Variants in IKBKE observed in about 807,000 individuals in gnomAD.
The protein encoded by IKBKE is inhibitor of nuclear factor kappa-B kinase subunit epsilon.
Under a neutral mutation model 92.1 loss-of-function variants are expected in IKBKE, and 45 were observed. The ratio of observed to expected loss-of-function variants is 0.49; its 90% CI spans 0.38 to 0.63. IKBKE has a LOEUF of 0.63. Ranked by LOEUF, IKBKE falls within the 20% of genes least tolerant of loss-of-function variation. The probability of loss-of-function intolerance (pLI) is 0.00; values close to 1 mark genes in which losing one functional copy is unlikely to be tolerated. For missense variants in IKBKE, 700 were observed against 932.8 expected (o/e 0.75, Z 3.25); for synonymous variants, 374 against 380.3 (o/e 0.98, Z 0.19).
rs1233896743 is a variant in IKBKE at position 206,485,185 on chromosome 1, G to A, written c.1504-9G>A. 1.2e-6 allele frequency: 2 copies of A among 1,607,616 alleles called. No homozygotes were observed. The highest frequency in any genetic ancestry group is 1.7e-6 in the Non-Finnish European group (2 of 1,174,114). ...AGACCCCACGGGGGTCTGCCTTTGT[G>A]CCCCACAGCTAGCGGAGGTCCTCTC... On this transcript the variant is annotated splice_polypyrimidine_tract_variant and intron_variant, in intron 14 of 21. Transcript: ENST00000581977. This position sits in a 1 kb window ranked among gnomAD's most constrained non-coding sequence, Gnocchi z 5.0.
Position 206,476,959 on chromosome 1 carries a change from C to A in IKBKE, c.701+121C>A. 3 of 1,035,756 alleles carry A rather than the reference C, an allele frequency of 2.9e-6. No homozygotes were observed. Among genetic ancestry groups the A allele is most frequent in the South Asian group, 3.1e-5 (2 of 63,910 alleles). 64.2% of individuals were successfully genotyped at this position (1,035,756 alleles called of 1,614,324 possible). A position where few individuals can be genotyped will look rare whatever the true frequency, so the allele number is the denominator to read the frequency against. On this transcript the variant is annotated intron_variant, in intron 7 of 21. Transcript: ENST00000581977. The surrounding 1 kb of genome is among the most constrained non-coding windows in gnomAD (Gnocchi z 5.1). ...CCATGGCCCTCCTCTGGTCCACCCC[C>A]CAACCCAGGCTCTTTGTAGATCTTT...
rs1215583987 is a variant in IKBKE, at chr1:206,490,033, C to T, written c.1694-786C>T. Among the ~76,000 whole-genome samples, 1 of 152,178 alleles carries T rather than the reference C, an allele frequency of 6.6e-6. No homozygotes were observed. The highest frequency in any genetic ancestry group is 2.4e-5 in the African/African-American group (1 of 41,446). On this transcript the variant is annotated intron_variant, in intron 16 of 21. Transcript: ENST00000581977. The surrounding 1 kb of genome is among the most constrained non-coding windows in gnomAD (Gnocchi z 5.2). ...GTGATGGATAAGGAGACAGGCTCAG[C>T]GAAGTGAAATCACTCGCCTAGTGCC...
rs972231305 is a variant in IKBKE at position 206,478,604 on chromosome 1, A to G, written c.992+265A>G. Among the ~76,000 whole-genome samples the G allele has an allele frequency of 1.3e-5, 2 of 152,184 alleles. No individual in the cohort carries two copies. The highest frequency in any genetic ancestry group is 4.8e-5 in the African/African-American group (2 of 41,440). The stretch of plus-strand genomic sequence containing the variant: ...TGTGTGCGTGGTGTATGTTGGCTGT[A>G]CATTTCGTAAAGGTACTGCTCATAG... On this transcript the variant is annotated intron_variant, in intron 9 of 21. Transcript: ENST00000581977. The surrounding 1 kb of genome is among the most constrained non-coding windows in gnomAD (Gnocchi z 4.8).
intron 2 of IKBKE, among the ~76,000 whole-genome samples, chr1:206,471,509 C>A (rs1351098502): frequency 1.3e-5 from 2 of 152,212 alleles, no homozygotes; most frequent in African/African-American, 4.8e-5. Context: ...GCGCTTTGCA[C>A]CTCACTGCCT....
intron 16 of IKBKE, among the ~76,000 whole-genome samples, chr1:206,489,367 G>GTATATATA (rs1384008618): frequency 3.5e-4 from 18 of 51,384 alleles, no homozygotes; most frequent in African/African-American, 1.1e-3. Flanking sequence ...GTGTGTGTGT[G>GTATATATA]TGTATATATA....
Position 206,480,444 on chromosome 1 carries a change from C to T in IKBKE, c.1341-3C>T, listed in dbSNP as rs1307375283. ...AGCTCTGACTCAGTCTCCCCTTGGA[C>T]AGGGAGGTGCTCCAGGCCACATGCA... is the stretch of plus-strand genomic sequence containing the variant. On this transcript the variant is annotated splice_region_variant and splice_polypyrimidine_tract_variant and intron_variant, in intron 12 of 21. Coordinates refer to ENST00000581977, the MANE Select transcript of IKBKE (RefSeq NM_014002.4). 3 of 1,612,076 alleles carry T rather than the reference C, an allele frequency of 1.9e-6. No individual in the cohort carries two copies. The highest frequency in any genetic ancestry group is 2.5e-6 in the Non-Finnish European group (3 of 1,178,464).
Position 206,478,086 on chromosome 1 carries a change from C to G in IKBKE, c.813-74C>G. On this transcript the variant is annotated intron_variant, in intron 8 of 21. Transcript: ENST00000581977. This position sits in a 1 kb window ranked among gnomAD's most constrained non-coding sequence, Gnocchi z 4.8. ...AGCTCTTCAGGATATTCTCTTAGAACGCTCCTATTGCCTGCTTAAGGAGGA... is the reference window on the plus strand; with the variant it reads ...AGCTCTTCAGGATATTCTCTTAGAAGGCTCCTATTGCCTGCTTAAGGAGGA... The G allele has an allele frequency of 1.0e-6, 1 of 969,926 alleles. No homozygotes were observed. Among genetic ancestry groups the G allele is most frequent in the South Asian group, 1.4e-5 (1 of 73,960 alleles). 60.1% of individuals were successfully genotyped at this position (969,926 alleles called of 1,614,324 possible).
rs782079660 is a variant in IKBKE, at chr1:206,496,106, T to C, written c.2118-6T>C. On this transcript the variant is annotated splice_polypyrimidine_tract_variant and splice_region_variant and intron_variant, in intron 21 of 21. Coordinates refer to ENST00000581977, the MANE Select transcript of IKBKE (RefSeq NM_014002.4). ...GGGCACTGCTAGCCTGTACCTTTTCTTGTAGGCTAAATAGAGTCCCAGCAC... is the reference window on the plus strand; with the variant it reads ...GGGCACTGCTAGCCTGTACCTTTTCCTGTAGGCTAAATAGAGTCCCAGCAC... 6.2e-6 allele frequency: 10 copies of C among 1,612,864 alleles called. No individual in the cohort carries two copies. The highest frequency in any genetic ancestry group is 1.3e-5 in the African/African-American group (1 of 74,904).
In IKBKE at chr1:206,478,012, TC is replaced by T; in HGVS notation, c.813-147del. The T allele has an allele frequency of 1.2e-6, 1 of 818,018 alleles. No homozygotes were observed. Among genetic ancestry groups the T allele is most frequent in the Non-Finnish European group, 2.0e-6 (1 of 508,502 alleles). 50.7% of individuals were successfully genotyped at this position (818,018 alleles called of 1,614,324 possible). On this transcript the variant is annotated intron_variant, in intron 8 of 21. Coordinates refer to ENST00000581977, the MANE Select transcript of IKBKE (RefSeq NM_014002.4). This position sits in a 1 kb window ranked among gnomAD's most constrained non-coding sequence, Gnocchi z 4.8. ...TTCCCATCTGGTTGCTGGAACGAGT[TC>T]TTCCAGCTCTTCCTCCCCAACCCAC...
chr1:206,477,802 G>A lies in IKBKE; in HGVS notation c.755G>A (p.Arg252Gln), dbSNP rs144428994. The change falls in exon 8 of 22, where the codon CGG becomes CAG. Residue 252 changes from arginine (R) to glutamine (Q), a missense_variant. Physicochemically the swap from Arg to Gln is conservative, Grantham distance 43 (BLOSUM62 1). Transcript: ENST00000581977. ...PAGAIAGAQR[R>Q]ENGPLEWSYT... ...GGGGCCATTGCAGGTGCCCAGAGGC[G>A]GGAGAACGGGCCCCTGGAGTGGAGC... 358 of 1,564,528 alleles carry A rather than the reference G, an allele frequency of 2.3e-4. No homozygotes were observed. The highest frequency in any genetic ancestry group is 2.7e-4 in the Non-Finnish European group (309 of 1,154,694).
intron 7 of IKBKE, 79 bp from the exon 8 acceptor site, chr1:206,477,670 G>A (rs112345800): frequency 1.5e-5 from 12 of 823,452 alleles, no homozygotes; most frequent in African/African-American, 6.8e-5. Context: ...CCTGTGCTCC[G>A]AGCCCTTTGT....
intron 21 of IKBKE, among the ~76,000 whole-genome samples, chr1:206,495,272 G>C (rs1332651158): frequency 6.6e-6 from 1 of 152,192 alleles, no homozygotes; most frequent in African/African-American, 2.4e-5. Flanking sequence ...CGTGACCCTG[G>C]GAGGTGTGTT....
intron 13 of IKBKE, among the ~76,000 whole-genome samples, chr1:206,483,310 C>T (rs953055406): frequency 1.8e-4 from 28 of 152,220 alleles, no homozygotes; most frequent in African/African-American, 6.0e-4. Context: ...GACTAGGACT[C>T]GAACCCATGT....
chr1:206,470,853 G>C (rs1352992799), intron 1 of IKBKE, among the ~76,000 whole-genome samples, 155 bp downstream of exon 1: 1 of 152,134 alleles, frequency 6.6e-6, no homozygotes, highest in Non-Finnish European at 1.5e-5. Flanking sequence ...GAGCCACCAC[G>C]GGCCAACCAC....
Position 206,493,311 on chromosome 1 carries a change from G to T in IKBKE, c.1978G>T (p.Gly660Trp), listed in dbSNP as rs1553391167. The T allele has an allele frequency of 6.2e-7, 1 of 1,614,072 alleles. No homozygotes were observed. Among genetic ancestry groups the T allele is most frequent in the African/African-American group, 1.3e-5 (1 of 75,038 alleles). ...SHQLLQDRAK[G>W]AQASPPPIAP... is the part of the protein sequence containing the mutation. ...CCAGCTCCTTCAGGACCGAGCAAAG[G>T]GGGCTCAGGCCTCGCCGCCTCCCAT... Residue 660 changes from glycine (G) to tryptophan (W), a missense_variant, in exon 20 of 22, where the codon GGG (glycine) becomes TGG (tryptophan). Transcript: ENST00000581977.
rs1665720967 is a variant in IKBKE, at chr1:206,487,462, G to A, written c.1617-452G>A. 1.3e-5 allele frequency among the ~76,000 whole-genome samples: 2 copies of A among 152,168 alleles called. No individual in the cohort carries two copies. The highest frequency in any genetic ancestry group is 1.3e-4 in the Admixed American group (2 of 15,282). On this transcript the variant is annotated intron_variant, in intron 15 of 21. Transcript: ENST00000581977. The surrounding 1 kb of genome is among the most constrained non-coding windows in gnomAD (Gnocchi z 5.3). ...GTGTGCCACACATTGGGTAAACCAA[G>A]AAGCTATATTCTTCTGCTTTTTCCA...
At chr1:206,494,096 G>A (rs782088944) in intron 21 of IKBKE, 105 bp downstream of exon 21, 12 of 920,674 alleles carry the variant, frequency 1.3e-5, no homozygotes, top group South Asian at 4.5e-5. Context: ...TTGATGACAC[G>A]TGTCCATTTT....
At chr1:206,491,301 C>CT (rs1336618686) in intron 17 of IKBKE, 2 of 360,012 alleles carry the variant, frequency 5.6e-6, no homozygotes, top group East Asian at 1.2e-4. Context: ...ACCCCGACCC[C>CT]TTTTTGTCTC....
chr1:206,478,914 C>T lies in IKBKE; in HGVS notation c.993-29C>T. 1 of 1,605,454 alleles carries T rather than the reference C, an allele frequency of 6.2e-7. No homozygotes were observed. The highest frequency in any genetic ancestry group is 8.5e-7 in the Non-Finnish European group (1 of 1,172,400). ...TGCCTTGCCTACTGACACCCCCTGC[C>T]CTCTGCTCCCCACCACGGCTGTGTC... On this transcript the variant is annotated intron_variant, in intron 9 of 21. Transcript: ENST00000581977. This position sits in a 1 kb window ranked among gnomAD's most constrained non-coding sequence, Gnocchi z 4.8.
Sources: gnomAD v4.1 joint callset for allele counts (sites outside exome capture counted in the v4.1 genomes callset) on GRCh38, gnomAD v4.1.1 for gene constraint, Gnocchi (gnomAD v3.1) non-coding constraint, MANE v1.5 for transcripts, NCBI Gene and HGNC (gene_info 2026-07-23, HGNC 2026-07-21) for gene names.